Variants in KRIT1 observed in about 807,000 individuals in gnomAD.
KRIT1 encodes the protein krev interaction trapped protein 1.
A neutral mutation model predicts 95.8 loss-of-function variants in KRIT1; 45 were observed. The ratio of observed to expected loss-of-function variants is 0.47; its 90% CI spans 0.37 to 0.60. The LOEUF (loss-of-function observed/expected upper bound fraction) is 0.60. Ranked by LOEUF, KRIT1 falls within the 20% of genes least tolerant of loss-of-function variation. The probability of loss-of-function intolerance (pLI) is 0.00; values close to 1 mark genes in which losing one functional copy is unlikely to be tolerated. For missense variants in KRIT1, 788 were observed against 877.5 expected, an observed-to-expected ratio of 0.90 and a Z score of 1.29; for synonymous variants, 282 against 278.8, an observed-to-expected ratio of 1.01 and a Z score of -0.11.
At position 92,201,381 on chromosome 7, in the gene KRIT1, A is replaced by G. The variant is rs370766145; in HGVS notation, c.2068T>C (p.Leu690=). The change falls in exon 18 of 19, where the codon TTG becomes CTG. Residue 690 remains leucine (L), a synonymous_variant. Transcript: ENST00000394505. The part of the protein sequence containing the change: ...SLKYGCFMWQ[L]GDTDTCFQIH... ...TGAAAACAAGTATCAGTATCTCCCA[A>G]TTGCCACATAAAACAACCATACTTA... 9.1e-5 allele frequency: 146 copies of G among 1,600,566 alleles called. No homozygotes were observed. Among genetic ancestry groups the G allele is most frequent in the Non-Finnish European group, 1.1e-4 (130 of 1,167,978 alleles).
In KRIT1 at chr7:92,200,357, A is replaced by G. The variant is rs1789873599; in HGVS notation, c.*379T>C. ...GAGACTATATGCCTTGTTGAAAGTA[A>G]TTTTTTTTTTTTTTTGAGATGGAGT... On this transcript the variant is annotated 3_prime_UTR_variant, in exon 19 of 19. Transcript: ENST00000394505. 4.6e-6 allele frequency: 1 copy of G among 215,660 alleles called. No homozygotes were observed. The highest frequency in any genetic ancestry group is 9.2e-6 in the Non-Finnish European group (1 of 108,336). The allele number at this position is 215,660 out of a possible 1,614,324, so 13.4% of individuals were successfully genotyped here. A position where few individuals can be genotyped will look rare whatever the true frequency, so the allele number is the denominator to read the frequency against.
At chr7:92,228,096 C>G (rs1157201387) in intron 10 of KRIT1, among the ~76,000 whole-genome samples, 3 of 152,014 alleles carry the variant, frequency 2.0e-5, no homozygotes, top group Non-Finnish European at 4.4e-5. Context: ...CTCAAATGAT[C>G]CACCTGCCTC....
rs765542241 is a variant in KRIT1 at position 92,234,838 on chromosome 7, T to C, written c.815A>G (p.Gln272Arg). Residue 272 changes from glutamine (Q) to arginine (R), a missense_variant, in exon 9 of 19, where the codon CAG (glutamine) becomes CGG (arginine). Around this residue, in one of 3 missense-constraint regions of KRIT1, gnomAD observed 493 missense variants for 582.3 expected, o/e 0.85. Coordinates refer to ENST00000394505, the MANE Select transcript of KRIT1 (RefSeq NM_194454.3). ...KIQIPKQEKW[Q>R]RSMSSVTEDK... The stretch of plus-strand genomic sequence containing the variant: ...TTCTGTGACACTGCTCATGCTTCTC[T>C]GCCATTTTTCCTGTTTAGGTATTTG... 18 of 1,608,126 alleles carry C rather than the reference T, an allele frequency of 1.1e-5. No individual in the cohort carries two copies. The East Asian group carries it at 3.6e-4, about 32-fold the overall frequency.
chr7:92,201,226 T>TA (rs1790061118), intron 18 of KRIT1, 81 bp downstream of exon 18: 2 of 779,992 alleles, frequency 2.6e-6, no homozygotes, highest in South Asian at 2.9e-5. Flanking sequence ...TCCTTGAAGT[T>TA]AAATGGATGT....
intron 10 of KRIT1, among the ~76,000 whole-genome samples, chr7:92,231,436 C>A (rs1045514968): frequency 6.6e-6 from 1 of 152,038 alleles, no homozygotes; most frequent in Non-Finnish European, 1.5e-5. Context: ...TCTTGGGAAT[C>A]CTGTAACTGT....
rs1371831219 is a variant in KRIT1 at position 92,226,617 on chromosome 7, T to C, written c.1055A>G (p.Asn352Ser). 6.2e-7 allele frequency: 1 copy of C among 1,612,702 alleles called. No individual in the cohort carries two copies. Among genetic ancestry groups the C allele is most frequent in the Non-Finnish European group, 8.5e-7 (1 of 1,178,912 alleles). ...ATGAAGAGGAGAACTAAGTTGTCCA[T>C]TTAAAAGGTTTGGATTGCACTTTCC... ...EKGKCNPNLL[N>S]GQLSSPLHFA... The change falls in exon 11 of 19, where the codon AAT becomes AGT. Residue 352 changes from asparagine (N) to serine (S), a missense_variant. By Grantham distance (46) the Asn-to-Ser change is conservative. Transcript: ENST00000394505.
chr7:92,242,475 G>A (rs1799899855), intron 3 of KRIT1, among the ~76,000 whole-genome samples: 1 of 152,142 alleles, frequency 6.6e-6, no homozygotes, highest in Admixed American at 6.5e-5. Context: ...CCAAAAAAAA[G>A]TGATGATGAT....
chr7:92,221,196 G>T (rs1236848910), intron 14 of KRIT1, among the ~76,000 whole-genome samples: 1 of 152,082 alleles, frequency 6.6e-6, no homozygotes. Flanking sequence ...AGCCCTTTGG[G>T]AGGCCAAGGT....
At position 92,215,036 on chromosome 7, in the gene KRIT1, G is replaced by T. The variant is rs377235169; in HGVS notation, c.1564-259C>A. ...CCACAGGTGATACATCAACAAATGG[G>T]TATGGCAGTGTTCTAATAACACTTT... is the stretch of plus-strand genomic sequence containing the variant. On this transcript the variant is annotated intron_variant, in intron 14 of 18. Coordinates refer to ENST00000394505, the MANE Select transcript of KRIT1 (RefSeq NM_194454.3). Among the ~76,000 whole-genome samples, 4 of 152,214 alleles carry T rather than the reference G, an allele frequency of 2.6e-5. 1 individual carries two copies.
intron 17 of KRIT1, chr7:92,203,884 A>G (rs1790773571): frequency 2.0e-5 from 3 of 152,312 alleles, no homozygotes; most frequent in African/African-American, 4.8e-5. Flanking sequence ...AGAGAAATAG[A>G]AAAGTGGTTA....
At chr7:92,228,171 A>G (rs1355393490) in intron 10 of KRIT1, among the ~76,000 whole-genome samples, 1 of 152,216 alleles carries the variant, frequency 6.6e-6, no homozygotes, top group African/African-American at 2.4e-5. Flanking sequence ...GAATTTTTAA[A>G]TAGGAAAGAA....
intron 5 of KRIT1, among the ~76,000 whole-genome samples, chr7:92,239,261 T>C (rs1354478101): frequency 6.6e-6 from 1 of 152,202 alleles, no homozygotes. Flanking sequence ...GGGAAGTTTT[T>C]TGTTAACAGT....
At chr7:92,242,223 G>T in intron 3 of KRIT1, 86 bp from the exon 4 acceptor site, 1 of 790,650 alleles carries the variant, frequency 1.3e-6, no homozygotes, top group Non-Finnish European at 2.2e-6. Context: ...ATCTTAAATT[G>T]AAAACTTTTA....
At chr7:92,237,537 TATTA>T in intron 6 of KRIT1, 126 bp downstream of exon 6, 1 of 438,720 alleles carries the variant, frequency 2.3e-6, no homozygotes, top group South Asian at 5.5e-5. Context: ...ATTTCCCTTC[TATTA>T]ATTTTAAAAT....
rs1237739230 is a variant in KRIT1, at chr7:92,221,941, T to C, written c.1524A>G (p.Leu508=). 6 of 1,613,834 alleles carry C rather than the reference T, an allele frequency of 3.7e-6. No homozygotes were observed. Among genetic ancestry groups the C allele is most frequent in the Non-Finnish European group, 4.2e-6 (5 of 1,179,890 alleles). Residue 508 remains leucine (L), a synonymous_variant, in exon 14 of 19, where the codon CTA becomes CTG. Coordinates refer to ENST00000394505, the MANE Select transcript of KRIT1 (RefSeq NM_194454.3). ...CCAAGGGAAGTCTCACATCTCTTCT[T>C]AGAAAAAGCTGAGGTGTTTCCCTTT... The part of the protein sequence containing the change: ...DPQRETPQLF[L]RRDVRLPLEV...
upstream of KRIT1, chr7:92,246,086 C>G (rs950572905): frequency 3.5e-6 from 1 of 281,734 alleles, no homozygotes; most frequent in African/African-American, 2.4e-5. Flanking sequence ...GGGGTGCCAG[C>G]GGCTGAGCCG....
chr7:92,204,151 CTTGGGAGGCTG>C (rs1369193952), intron 17 of KRIT1: 1 of 151,710 alleles, frequency 6.6e-6, no homozygotes, highest in Admixed American at 6.6e-5. Flanking sequence ...GTCCCAACTA[CTTGGGAGGCTG>C]AGGCAGGAGG....
rs1219930277 is a variant in KRIT1, at chr7:92,214,769, G to T, written c.1572C>A (p.Asp524Glu). The T allele has an allele frequency of 2.5e-6, 4 of 1,597,190 alleles. No homozygotes were observed. The African/African-American group carries it at 5.4e-5, about 21-fold the overall frequency. The change falls in exon 15 of 19, where the codon GAC becomes GAA. Residue 524 changes from aspartate (D) to glutamate (E), a missense_variant. Asp to Glu is a conservative substitution (Grantham distance 45). Transcript: ENST00000394505. ...LPLEVEKQIEDPLAILILFDE... is the reference protein window; with the variant it reads ...LPLEVEKQIEEPLAILILFDE... ...CAAAGAGAATAAGAATAGCTAGTGG[G>T]TCTTCAATCTTAAAGGAAAAAGTAT...
In KRIT1 at chr7:92,234,938, C is replaced by A; in HGVS notation, c.730-15G>T. On this transcript the variant is annotated splice_polypyrimidine_tract_variant and intron_variant, in intron 8 of 18. Transcript: ENST00000394505. ...ACTTTATCTACCTAGAAAGGGAAAA[C>A]AATAACAAAAACCCATTAAGAGCTT... 1 of 1,197,750 alleles carries A rather than the reference C, an allele frequency of 8.3e-7. No homozygotes were observed. The highest frequency in any genetic ancestry group is 1.2e-6 in the Non-Finnish European group (1 of 800,388). 74.2% of individuals were successfully genotyped at this position (1,197,750 alleles called of 1,614,324 possible). A position where few individuals can be genotyped will look rare whatever the true frequency, so the allele number is the denominator to read the frequency against.
Sources: gnomAD v4.1 joint callset for allele counts (sites outside exome capture counted in the v4.1 genomes callset) on GRCh38, gnomAD v4.1.1 for gene constraint, gnomAD v4.1.1 regional missense constraint, MANE v1.5 for transcripts, NCBI Gene and HGNC (gene_info 2026-07-23, HGNC 2026-07-21) for gene names.